CCDC91: variants seen among roughly 807,000 people sequenced by gnomAD.
CCDC91 encodes the protein coiled-coil domain containing 91, also known as coiled-coil domain-containing protein 91.
CCDC91 carries 48 observed loss-of-function variants against 63.2 expected under a neutral mutation model. The observed-to-expected ratio is 0.76, with a 90% CI of 0.60 to 0.97. CCDC91 has a LOEUF of 0.97. Ranked by LOEUF, CCDC91 falls within the 50% of genes least tolerant of loss-of-function variation. The pLI, the probability that CCDC91 is intolerant of heterozygous loss-of-function variation, is 0.00. For synonymous variants in CCDC91, 167 were observed against 165.8 expected, an observed-to-expected ratio of 1.01 and a Z score of -0.06; for missense variants, 500 against 494.6, an observed-to-expected ratio of 1.01 and a Z score of -0.10.
Position 28,450,195 on chromosome 12 carries a change from A to G in CCDC91, c.797A>G (p.Lys266Arg). 2 of 1,610,060 alleles carry G rather than the reference A, an allele frequency of 1.2e-6. No individual in the cohort carries two copies. Among genetic ancestry groups the G allele is most frequent in the Non-Finnish European group, 1.7e-6 (2 of 1,177,696 alleles). ...CTCCTTGAAATGCTAGATACAGAGA[A>G]GGAACTGTTAAAAGAAAAAATAAAG... ...QRLLEMLDTE[K>R]ELLKEKIKEA... Residue 266 changes from lysine to arginine, a missense_variant, in exon 9 of 13, where the codon AAG becomes AGG. Physicochemically the swap from Lys to Arg is conservative, Grantham distance 26 (BLOSUM62 2). Coordinates refer to ENST00000536442, the MANE Select transcript of CCDC91 (RefSeq NM_018318.5).
At chr12:28,527,984 A>T (rs1270155255) in intron 12 of CCDC91, among the ~76,000 whole-genome samples, 1 of 152,148 alleles carries the variant, frequency 6.6e-6, no homozygotes, top group Admixed American at 6.5e-5. Flanking sequence ...GTTTCCAGGC[A>T]GTGAGTGAGC....
chr12:28,359,704 C>T (rs1943749583), intron 6 of CCDC91, among the ~76,000 whole-genome samples: 1 of 151,694 alleles, frequency 6.6e-6, no homozygotes, highest in African/African-American at 2.4e-5. Flanking sequence ...TGCATATATC[C>T]CCAGGGTAGG....
chr12:28,371,895 C>T (rs1944646432), intron 7 of CCDC91, among the ~76,000 whole-genome samples: 1 of 152,172 alleles, frequency 6.6e-6, no homozygotes, highest in African/African-American at 2.4e-5. Context: ...GATCAAATTA[C>T]TATCTGGAGC....
intron 8 of CCDC91, among the ~76,000 whole-genome samples, chr12:28,441,854 T>C (rs1949243313): frequency 6.6e-6 from 1 of 151,878 alleles, no homozygotes; most frequent in Admixed American, 6.6e-5. Flanking sequence ...GAAAATATTC[T>C]ATGTCATGAT....
intron 12 of CCDC91, among the ~76,000 whole-genome samples, chr12:28,497,433 TTCACAGGTTCTTA>T (rs770866773): frequency 5.3e-5 from 8 of 151,648 alleles, no homozygotes; most frequent in Non-Finnish European, 1.0e-4. Flanking sequence ...GGTATCTGTT[TTCACAGGTTCTTA>T]TCACATCTTT....
intron 1 of CCDC91, among the ~76,000 whole-genome samples, chr12:28,252,622 C>T (rs1229320918): frequency 1.3e-5 from 2 of 152,024 alleles, no homozygotes; most frequent in South Asian, 2.1e-4. Flanking sequence ...GCATCCTGTT[C>T]GTAATTCATG....
At chr12:28,491,820 A>G (rs546121290) in intron 12 of CCDC91, among the ~76,000 whole-genome samples, 7 of 151,438 alleles carry the variant, frequency 4.6e-5, no homozygotes, top group African/African-American at 1.7e-4. Context: ...TTGGCTTATT[A>G]TATTGATATG....
intron 1 of CCDC91, among the ~76,000 whole-genome samples, chr12:28,233,112 T>C (rs979734633): frequency 1.3e-5 from 2 of 152,050 alleles, no homozygotes; most frequent in African/African-American, 4.8e-5. Context: ...TATCACAAAA[T>C]GTACAGATAG....
intron 11 of CCDC91, among the ~76,000 whole-genome samples, chr12:28,456,290 G>A (rs1398109095): frequency 6.6e-6 from 1 of 152,126 alleles, no homozygotes; most frequent in Non-Finnish European, 1.5e-5. Flanking sequence ...GCTATGATAA[G>A]CAAATCATGC....
chr12:28,522,520 A>G (rs930165293), intron 12 of CCDC91, among the ~76,000 whole-genome samples: 18 of 152,284 alleles, frequency 1.2e-4, no homozygotes, highest in African/African-American at 4.3e-4. Flanking sequence ...TTTTCAAAAA[A>G]CAAGCTCCTG....
At chr12:28,234,409 A>C (rs570971839) in intron 1 of CCDC91, among the ~76,000 whole-genome samples, 1 of 152,286 alleles carries the variant, frequency 6.6e-6, no homozygotes, top group African/African-American at 2.4e-5. Context: ...TTTTTTTAAA[A>C]AGCAAGTGGT....
At chr12:28,275,822 C>A (rs887265130) in intron 3 of CCDC91, among the ~76,000 whole-genome samples, 3 of 151,956 alleles carry the variant, frequency 2.0e-5, no homozygotes, top group Non-Finnish European at 4.4e-5. Flanking sequence ...TCAACATATG[C>A]AAATCAATAA....
chr12:28,216,638 A>G (rs1336168185), intron 1 of CCDC91, among the ~76,000 whole-genome samples: 8 of 149,268 alleles, frequency 5.4e-5, no homozygotes, highest in African/African-American at 9.7e-5. Flanking sequence ...TTCTTTTTAT[A>G]TAGTTATATA....
intron 6 of CCDC91, among the ~76,000 whole-genome samples, chr12:28,353,221 T>C (rs1181393852): frequency 6.6e-6 from 1 of 152,234 alleles, no homozygotes; most frequent in Non-Finnish European, 1.5e-5. Context: ...AAGAGAGTTA[T>C]GGCCTTGTTC....
chr12:28,537,687 T>C (rs1233793488), intron 12 of CCDC91, among the ~76,000 whole-genome samples: 1 of 152,210 alleles, frequency 6.6e-6, no homozygotes, highest in Admixed American at 6.5e-5. Context: ...ACTTTTTCTA[T>C]TCTTAGCATT....
chr12:28,219,216 T>C (rs1254826298), intron 1 of CCDC91, among the ~76,000 whole-genome samples: 1 of 152,152 alleles, frequency 6.6e-6, no homozygotes, highest in Non-Finnish European at 1.5e-5. Flanking sequence ...GTACGTCTTT[T>C]CATGTGCTTA....
chr12:28,199,163 C>T (rs1229372242), intron 1 of CCDC91: 4 of 151,970 alleles, frequency 2.6e-5, no homozygotes, highest in Non-Finnish European at 5.9e-5. Flanking sequence ...ATCCTCTTAC[C>T]TTGGCCTTCC....
At chr12:28,392,299 G>A (rs976038637) in intron 8 of CCDC91, among the ~76,000 whole-genome samples, 1 of 152,116 alleles carries the variant, frequency 6.6e-6, no homozygotes, top group Non-Finnish European at 1.5e-5. Context: ...AGCCGGAATG[G>A]ACTTGGTTGT....
At chr12:28,374,109 T>C (rs577172082) in intron 7 of CCDC91, among the ~76,000 whole-genome samples, 2 of 152,224 alleles carry the variant, frequency 1.3e-5, no homozygotes, top group African/African-American at 4.8e-5. Flanking sequence ...CATTCTGGAG[T>C]AGAGGTTCCC....
Sources: allele counts gnomAD v4.1 joint callset (sites outside exome capture counted in the v4.1 genomes callset), GRCh38; gene constraint gnomAD v4.1.1; transcripts MANE v1.5; gene names NCBI Gene and HGNC (gene_info 2026-07-23, HGNC 2026-07-21).